The following EVC variants were observed in gnomAD, a reference collection of about 807,000 sequenced individuals.
EVC encodes the protein EvC ciliary complex subunit 1, also known as evC complex member EVC.
In EVC, 116 loss-of-function variants were observed where a neutral mutation model predicts 118.9. That is an observed-to-expected ratio of 0.98 (90% CI 0.84 to 1.14). The LOEUF (loss-of-function observed/expected upper bound fraction) is 1.14. Among genes scored for constraint, EVC ranks in the 50% most tolerant of loss-of-function variants. The probability of loss-of-function intolerance (pLI) is 0.00; values close to 1 mark genes in which losing one functional copy is unlikely to be tolerated. For missense variants in EVC, 1,401 were observed against 1,246.4 expected (o/e 1.12, Z -1.87); for synonymous variants, 619 against 534.7 (o/e 1.16, Z -2.18).
rs1445504923 is a variant in EVC at position 5,754,922 on chromosome 4, T to C, written c.1464+989T>C. Among the ~76,000 whole-genome samples the C allele has an allele frequency of 6.6e-6, 1 of 151,926 alleles. No individual in the cohort carries two copies. Among genetic ancestry groups the C allele is most frequent in the Non-Finnish European group, 1.5e-5 (1 of 67,956 alleles). On this transcript the variant is annotated intron_variant, in intron 10 of 20. Transcript: ENST00000264956. This position sits in a 1 kb window ranked among gnomAD's most constrained non-coding sequence, Gnocchi z 5.8. Reference sequence around the variant, plus strand: ...TTCTGCCAAGGGGTGGGTGGCACCATGTCTGGGTCCAGGCTCAGCCCAGAA... The same window carrying C: ...TTCTGCCAAGGGGTGGGTGGCACCACGTCTGGGTCCAGGCTCAGCCCAGAA...
At position 5,733,280 on chromosome 4, in the gene EVC, A is replaced by G. The variant is rs181951579; in HGVS notation, c.618-71A>G. ...GTGCTGTGGCTTGTACTGATGAGGGACGTGCCAATATTCTTACTCTTCATT... is the reference window on the plus strand; with the variant it reads ...GTGCTGTGGCTTGTACTGATGAGGGGCGTGCCAATATTCTTACTCTTCATT... On this transcript the variant is annotated intron_variant, in intron 4 of 20. Coordinates refer to ENST00000264956, the MANE Select transcript of EVC (RefSeq NM_153717.3). The G allele has an allele frequency of 7.2e-6, 9 of 1,250,618 alleles. No individual in the cohort carries two copies. The Admixed American group carries it at 1.5e-4, about 21-fold the overall frequency. 77.5% of individuals were successfully genotyped at this position (1,250,618 alleles called of 1,614,324 possible).
Position 5,731,128 on chromosome 4 carries a change from G to A in EVC, c.385-297G>A, listed in dbSNP as rs1166789794. Among the ~76,000 whole-genome samples the A allele has an allele frequency of 6.6e-6, 1 of 152,048 alleles. No individual in the cohort carries two copies. Among genetic ancestry groups the A allele is most frequent in the East Asian group, 1.9e-4 (1 of 5,168 alleles). On this transcript the variant is annotated intron_variant, in intron 3 of 20. Coordinates refer to ENST00000264956, the MANE Select transcript of EVC (RefSeq NM_153717.3). The surrounding 1 kb of genome is among the most constrained non-coding windows in gnomAD (Gnocchi z 5.6). Reference sequence around the variant, plus strand: ...GGAGGTAGGTCAGAGTTGGCAGCTGGGAGGAGGGTGCGCTGGGTGTCCGGG... The same window carrying A: ...GGAGGTAGGTCAGAGTTGGCAGCTGAGAGGAGGGTGCGCTGGGTGTCCGGG...
At chr4:5,724,853 T>C (rs1276579865) in intron 2 of EVC, among the ~76,000 whole-genome samples, 1 of 152,144 alleles carries the variant, frequency 6.6e-6, no homozygotes, top group African/African-American at 2.4e-5. Context: ...ATGCACTAGC[T>C]ATTCTCCCTG....
At chr4:5,766,213 A>G (rs1264383077) in intron 11 of EVC, among the ~76,000 whole-genome samples, 2 of 151,418 alleles carry the variant, frequency 1.3e-5, no homozygotes, top group South Asian at 4.2e-4. Flanking sequence ...CTTTTCTTTA[A>G]GAATGTTGGA....
At chr4:5,771,226 C>A (rs1431133657) in intron 11 of EVC, among the ~76,000 whole-genome samples, 1 of 152,116 alleles carries the variant, frequency 6.6e-6, no homozygotes, top group Non-Finnish European at 1.5e-5. Context: ...GGGCTGACTC[C>A]TCCTGGAGGC....
At position 5,731,567 on chromosome 4, in the gene EVC, C is replaced by G. The variant is rs769804808; in HGVS notation, c.527C>G (p.Ser176Cys). Residue 176 changes from serine (S) to cysteine (C), a missense_variant, in exon 4 of 21, where the codon TCC becomes TGC. Transcript: ENST00000264956. This position sits in a 1 kb window ranked among gnomAD's most constrained non-coding sequence, Gnocchi z 5.6. ...GAGAAGGACGACTGCAGCTCCTCAT[C>G]CAGCGTCCACTCGGCCACCAGCGAT... ...QGEKDDCSSS[S>C]SVHSATSDDR... is the part of the protein sequence containing the mutation. The G allele has an allele frequency of 6.2e-7, 1 of 1,614,126 alleles. No homozygotes were observed. The highest frequency in any genetic ancestry group is 2.2e-5 in the East Asian group (1 of 44,854).
In EVC at chr4:5,755,840, C is replaced by A. The variant is rs1731083329; in HGVS notation, c.1465-424C>A. On this transcript the variant is annotated intron_variant, in intron 10 of 20. Coordinates refer to ENST00000264956, the MANE Select transcript of EVC (RefSeq NM_153717.3). This position sits in a 1 kb window ranked among gnomAD's most constrained non-coding sequence, Gnocchi z 4.1. ...GCTGGGGTCCTCAGGGAAGGGCCTCCACCCCGTGGTCACAGTGGGGCCTGG... is the reference window on the plus strand; with the variant it reads ...GCTGGGGTCCTCAGGGAAGGGCCTCAACCCCGTGGTCACAGTGGGGCCTGG... 6.6e-6 allele frequency among the ~76,000 whole-genome samples: 1 copy of A among 152,192 alleles called. No homozygotes were observed. The highest frequency in any genetic ancestry group is 2.1e-4 in the South Asian group (1 of 4,832).
At chr4:5,825,770 G>A in the EVC span, 2 of 1,043,202 alleles carry the variant, frequency 1.9e-6, no homozygotes, top group Middle Eastern at 2.1e-4. This position sits in a 1 kb window ranked among gnomAD's most constrained non-coding sequence, Gnocchi z 4.4. Context: ...CACTTCAAAT[G>A]TGCATGCACA....
At chr4:5,726,895 A>C (rs1409174280) in intron 2 of EVC, among the ~76,000 whole-genome samples, 2 of 152,008 alleles carry the variant, frequency 1.3e-5, no homozygotes, top group Non-Finnish European at 2.9e-5. Context: ...TACAAAGGAC[A>C]TGAACTCATC....
chr4:5,732,947 C>A (rs1233690644), intron 4 of EVC, among the ~76,000 whole-genome samples: 1 of 152,210 alleles, frequency 6.6e-6, no homozygotes, highest in Admixed American at 6.5e-5. Context: ...GAGGTGGAGG[C>A]TGCAGTAAGC....
At chr4:5,768,512 T>C (rs1733387491) in intron 11 of EVC, among the ~76,000 whole-genome samples, 1 of 152,062 alleles carries the variant, frequency 6.6e-6, no homozygotes, top group Non-Finnish European at 1.5e-5. Context: ...GTTTAAATAA[T>C]CTCACGTGGG....
At chr4:5,726,216 A>C (rs545391458) in intron 2 of EVC, among the ~76,000 whole-genome samples, 68 of 152,328 alleles carry the variant, frequency 4.5e-4, no homozygotes, top group African/African-American at 1.6e-3. Context: ...TTGAGAAGCA[A>C]CTGGATTGAC....
chr4:5,758,106 C>T (rs985984080), intron 11 of EVC: 22 of 702,232 alleles, frequency 3.1e-5, no homozygotes, highest in Non-Finnish European at 4.9e-5. Context: ...CATAGAGACA[C>T]AGGGAAGGAG....
chr4:5,798,017 A>G lies in EVC; in HGVS notation c.2098-569A>G, dbSNP rs796612644. ...GGGAGCAGCTGCTGCTCTTTGACCC[A>G]TGAATGAGGCACAAGCCCACAGTCT... is the stretch of plus-strand genomic sequence containing the variant. On this transcript the variant is annotated intron_variant, in intron 14 of 20. Coordinates refer to ENST00000264956, the MANE Select transcript of EVC (RefSeq NM_153717.3). The surrounding 1 kb of genome is among the most constrained non-coding windows in gnomAD (Gnocchi z 4.1). Among the ~76,000 whole-genome samples, 3 of 152,202 alleles carry G rather than the reference A, an allele frequency of 2.0e-5. No individual in the cohort carries two copies. Among genetic ancestry groups the G allele is most frequent in the African/African-American group, 7.2e-5 (3 of 41,468 alleles).
intron 1 of EVC, 119 bp downstream of exon 1, chr4:5,711,673 C>G: frequency 1.1e-6 from 1 of 870,800 alleles, no homozygotes; most frequent in Non-Finnish European, 1.4e-6. Flanking sequence ...ACTTCGCACG[C>G]AACCGCTTAG....
At chr4:5,734,098 A>G (rs1727291888) in intron 5 of EVC, among the ~76,000 whole-genome samples, 4 of 152,180 alleles carry the variant, frequency 2.6e-5, no homozygotes, top group Admixed American at 2.6e-4. Flanking sequence ...CACGGACCTG[A>G]GCTATGGGAA....
At position 5,746,652 on chromosome 4, in the gene EVC, T is replaced by A. The variant is rs927694247; in HGVS notation, c.939+1311T>A. 5.9e-5 allele frequency among the ~76,000 whole-genome samples: 9 copies of A among 152,168 alleles called. No individual in the cohort carries two copies. Among genetic ancestry groups the A allele is most frequent in the African/African-American group, 2.2e-4 (9 of 41,436 alleles). On this transcript the variant is annotated intron_variant, in intron 7 of 20. Transcript: ENST00000264956. This position sits in a 1 kb window ranked among gnomAD's most constrained non-coding sequence, Gnocchi z 5.8. Reference sequence around the variant, plus strand: ...GGTCCACAGAACCCCCAACGCTGTGTGCAGTATCTTGTCCATGTCTGCCTT... The same window carrying A: ...GGTCCACAGAACCCCCAACGCTGTGAGCAGTATCTTGTCCATGTCTGCCTT...
At chr4:5,777,404 C>A (rs1375817462) in intron 11 of EVC, among the ~76,000 whole-genome samples, 1 of 152,068 alleles carries the variant, frequency 6.6e-6, no homozygotes, top group Middle Eastern at 3.2e-3. Flanking sequence ...CCGTAATGAA[C>A]AATGAACTTG....
Position 5,798,493 on chromosome 4 carries a change from C to A in EVC, c.2098-93C>A. 3 of 1,311,786 alleles carry A rather than the reference C, an allele frequency of 2.3e-6. No individual in the cohort carries two copies. Among genetic ancestry groups the A allele is most frequent in the Non-Finnish European group, 3.2e-6 (3 of 931,538 alleles). The allele number at this position is 1,311,786 out of a possible 1,614,324, so 81.3% of individuals were successfully genotyped here. A position where few individuals can be genotyped will look rare whatever the true frequency, so the allele number is the denominator to read the frequency against. On this transcript the variant is annotated intron_variant, in intron 14 of 20. Coordinates refer to ENST00000264956, the MANE Select transcript of EVC (RefSeq NM_153717.3). This position sits in a 1 kb window ranked among gnomAD's most constrained non-coding sequence, Gnocchi z 4.1. ...CTCCATCCCTTTTCCAACCCCTGGG[C>A]CCTGGATAGGACCAGCCCCACATCC... is the stretch of plus-strand genomic sequence containing the variant.
Sources: gnomAD v4.1 joint callset for allele counts (sites outside exome capture counted in the v4.1 genomes callset) on GRCh38, gnomAD v4.1.1 for gene constraint, Gnocchi (gnomAD v3.1) non-coding constraint, MANE v1.5 for transcripts, NCBI Gene and HGNC (gene_info 2026-07-23, HGNC 2026-07-21) for gene names.